The following SLC25A53 variants were observed in gnomAD, a reference collection of about 807,000 sequenced individuals.
The protein encoded by SLC25A53 is mitochondrial carrier triple repeat protein 6.
Under a neutral mutation model 15.0 loss-of-function variants are expected in SLC25A53, and 5 were observed. That is an observed-to-expected ratio of 0.33 (90% CI 0.17 to 0.70). The LOEUF is 0.70. SLC25A53 is among the 30% of genes least tolerant of loss of function. The probability of loss-of-function intolerance (pLI) is 0.67; values close to 1 mark genes in which losing one functional copy is unlikely to be tolerated. For missense variants in SLC25A53, 216 were observed against 241.6 expected (o/e 0.89, Z 0.70); for synonymous variants, 95 against 100.0 (o/e 0.95, Z 0.30).
chrX:104,138,595 A>G (rs1286831964), intron 1 of SLC25A53, among the ~76,000 whole-genome samples: 1 of 112,741 alleles, frequency 8.9e-6, no homozygotes, highest in Admixed American at 9.3e-5. Context: ...TATTGCAAGG[A>G]CAGAGAGCTT....
At position 104,104,291 on chromosome X, in the gene SLC25A53, G is replaced by A; in HGVS notation, c.*43C>T. On this transcript the variant is annotated 3_prime_UTR_variant, in exon 2 of 2. Coordinates refer to ENST00000594199, the MANE Select transcript of SLC25A53 (RefSeq NM_001012755.5). ...AGTAAGCTATATAGAACCAACCAGGGAAGATTTAGAATAACAAAGCTGCCA... is the reference window on the plus strand; with the variant it reads ...AGTAAGCTATATAGAACCAACCAGGAAAGATTTAGAATAACAAAGCTGCCA... 8.6e-7 allele frequency: 1 copy of A among 1,163,118 alleles called. No homozygotes were observed. The highest frequency in any genetic ancestry group is 1.2e-6 in the Non-Finnish European group (1 of 859,189).
Position 104,104,128 on chromosome X carries a change from T to C in SLC25A53, c.*206A>G, listed in dbSNP as rs2075293581. On this transcript the variant is annotated 3_prime_UTR_variant, in exon 2 of 2. Coordinates refer to ENST00000594199, the MANE Select transcript of SLC25A53 (RefSeq NM_001012755.5). ...GAGGCTACTGAAACTGTGGAGAGAC[T>C]GGGGTGAACGTTTCTTTTTGACTAA... 7.3e-6 allele frequency: 3 copies of C among 410,667 alleles called. No homozygotes were observed. The highest frequency in any genetic ancestry group is 6.5e-4 in the Middle Eastern group (1 of 1,534). 33.8% of individuals were successfully genotyped at this position (410,667 alleles called of 1,213,427 possible). A position where few individuals can be genotyped will look rare whatever the true frequency, so the allele number is the denominator to read the frequency against.
At chrX:104,153,394 T>A (rs2075491414) in intron 1 of SLC25A53, among the ~76,000 whole-genome samples, 1 of 111,303 alleles carries the variant, frequency 9.0e-6, no homozygotes, top group African/African-American at 3.3e-5. Context: ...ATTATAATCT[T>A]CTGGGACTAC....
intron 1 of SLC25A53, among the ~76,000 whole-genome samples, chrX:104,125,671 A>G (rs191273185): frequency 3.8e-4 from 42 of 111,701 alleles, no homozygotes; most frequent in Admixed American, 1.7e-3. Context: ...AGAAAAGCAC[A>G]TATACTGGAG....
chrX:104,125,101 T>C (rs1174546950), intron 1 of SLC25A53, among the ~76,000 whole-genome samples: 2 of 109,864 alleles, frequency 1.8e-5, no homozygotes, highest in Non-Finnish European at 3.8e-5. Flanking sequence ...CGCCTCAGCC[T>C]CCCAAAGTGC....
chrX:104,105,671 T>TA (rs1196620249), intron 1 of SLC25A53, among the ~76,000 whole-genome samples: 4 of 112,513 alleles, frequency 3.6e-5, no homozygotes, highest in Non-Finnish European at 5.6e-5. Flanking sequence ...CTATTCTGTT[T>TA]AAAAAAATCT....
Position 104,145,922 on chromosome X carries a change from C to G in SLC25A53, c.-32+10956G>C, listed in dbSNP as rs969854686. 1.3e-4 allele frequency among the ~76,000 whole-genome samples: 15 copies of G among 112,149 alleles called. No individual in the cohort carries two copies. The East Asian group carries it at 4.2e-3, about 31-fold the overall frequency. ...CCATTCCTTCTGAAACTATTCCAAA[C>G]AACAGAAAAAGAGGGAATCCTGCCT... On this transcript the variant is annotated intron_variant, in intron 1 of 1. Coordinates refer to ENST00000594199, the MANE Select transcript of SLC25A53 (RefSeq NM_001012755.5).
chrX:104,142,943 A>C (rs1408458097), intron 1 of SLC25A53, among the ~76,000 whole-genome samples: 1 of 107,553 alleles, frequency 9.3e-6, no homozygotes, highest in Non-Finnish European at 1.9e-5. Flanking sequence ...AAAAAAAAGA[A>C]GGCGGGTGAT....
intron 1 of SLC25A53, among the ~76,000 whole-genome samples, chrX:104,123,665 G>A (rs1414897441): frequency 3.6e-5 from 4 of 109,783 alleles, no homozygotes; most frequent in African/African-American, 1.3e-4. Context: ...TGCATCCATC[G>A]ACCTGTCATC....
intron 1 of SLC25A53, among the ~76,000 whole-genome samples, chrX:104,107,103 C>T (rs1183183799): frequency 9.1e-6 from 1 of 110,491 alleles, no homozygotes; most frequent in Non-Finnish European, 1.9e-5. Flanking sequence ...CATCCACATC[C>T]CCACAATCTC....
intron 1 of SLC25A53, among the ~76,000 whole-genome samples, chrX:104,143,728 A>G (rs1556368046): frequency 8.9e-6 from 1 of 111,851 alleles, no homozygotes; most frequent in Non-Finnish European, 1.9e-5. Flanking sequence ...GCAGGCCAAC[A>G]TTCAAATTCA....
chrX:104,134,145 A>T (rs1327987522), intron 1 of SLC25A53, among the ~76,000 whole-genome samples: 2 of 111,399 alleles, frequency 1.8e-5, no homozygotes, highest in African/African-American at 6.5e-5. Flanking sequence ...CTGGGAAAAG[A>T]AACTGTCAAA....
At chrX:104,114,530 C>T in intron 1 of SLC25A53, 2 of 1,211,752 alleles carry the variant, frequency 1.7e-6, no homozygotes, top group Non-Finnish European at 1.1e-6. Context: ...ACCCTGCAGG[C>T]ACAAGGGGAG....
At chrX:104,135,246 C>T (rs915756169) in intron 1 of SLC25A53, among the ~76,000 whole-genome samples, 1 of 110,746 alleles carries the variant, frequency 9.0e-6, no homozygotes, top group Admixed American at 9.7e-5. Flanking sequence ...GCATGTCCTG[C>T]CCCTGAGTGA....
At position 104,101,441 on chromosome X, in the gene SLC25A53, T is replaced by C. The variant is rs178122; in HGVS notation, c.*2893A>G. 0.38 allele frequency: 41,684 copies of C among 111,010 alleles called. 5,673 individuals carry two copies. Among genetic ancestry groups the C allele is most frequent in the Admixed American group, 0.53 (5,589 of 10,496 alleles). 9.1% of individuals were successfully genotyped at this position (111,010 alleles called of 1,213,427 possible). ...ATGGTGCCTTGGTCTTCCTGGTGAC[T>C]AGTTCCCATCCTGAAGCAACCAGAG... On this transcript the variant is annotated 3_prime_UTR_variant, in exon 2 of 2. Transcript: ENST00000594199.
intron 1 of SLC25A53, among the ~76,000 whole-genome samples, chrX:104,106,650 G>C (rs1160875313): frequency 9.0e-6 from 1 of 111,309 alleles, no homozygotes; most frequent in Admixed American, 9.5e-5. Flanking sequence ...AGGTCCCCAG[G>C]GAGGAGTAGA....
chrX:104,118,770 A>G (rs1413099640), intron 1 of SLC25A53, among the ~76,000 whole-genome samples: 1 of 112,387 alleles, frequency 8.9e-6, no homozygotes, highest in East Asian at 2.8e-4. Flanking sequence ...ACAGCACCCC[A>G]TGAGGTAGGT....
chrX:104,124,839 CTTTTTTT>C (rs34662574), intron 1 of SLC25A53, among the ~76,000 whole-genome samples: 62 of 62,275 alleles, frequency 1.0e-3, no homozygotes, highest in Non-Finnish European at 1.6e-3. Flanking sequence ...AACTTTTTTC[CTTTTTTT>C]TTTTTTTTTT....
At chrX:104,119,119 TG>T (rs1180495508) in intron 1 of SLC25A53, among the ~76,000 whole-genome samples, 1 of 112,109 alleles carries the variant, frequency 8.9e-6, no homozygotes, top group African/African-American at 3.2e-5. Context: ...GTTCAATTCA[TG>T]GTGCTGGGGG....
Sources: gnomAD v4.1 joint callset for allele counts (sites outside exome capture counted in the v4.1 genomes callset) on GRCh38, gnomAD v4.1.1 for gene constraint, MANE v1.5 for transcripts, NCBI Gene and HGNC (gene_info 2026-07-23, HGNC 2026-07-21) for gene names.